ANGPTL1: variants seen among roughly 807,000 people sequenced by gnomAD.
The protein encoded by ANGPTL1 is angiopoietin like 1, also known as angiopoietin-related protein 1.
ANGPTL1 carries 36 observed loss-of-function variants against 46.7 expected under a neutral mutation model. The observed-to-expected ratio is 0.77, with a 90% CI of 0.59 to 1.02. The LOEUF (loss-of-function observed/expected upper bound fraction) is 1.02, where lower values mean the gene tolerates loss of function less well. Ranked by LOEUF, ANGPTL1 falls within the 50% of genes least tolerant of loss-of-function variation. ANGPTL1 has a pLI of 0.00. For synonymous variants in ANGPTL1, 221 were observed against 204.3 expected (o/e 1.08, Z -0.69); for missense variants, 571 against 594.7 (o/e 0.96, Z 0.41).
chr1:178,867,515 A>T (rs1454967045), intron 2 of ANGPTL1, among the ~76,000 whole-genome samples: 1 of 152,084 alleles, frequency 6.6e-6, no homozygotes, highest in Non-Finnish European at 1.5e-5. Context: ...CTCAAATGGG[A>T]TTCAAACCTT....
chr1:178,860,307 G>GAGA (rs1250992339), intron 3 of ANGPTL1, among the ~76,000 whole-genome samples: 2 of 152,084 alleles, frequency 1.3e-5, no homozygotes. Flanking sequence ...TTTTAAGGTA[G>GAGA]AGAAGAAGGT....
In ANGPTL1 at chr1:178,853,594, C is replaced by G. The variant is rs1657327460; in HGVS notation, c.1017G>C (p.Lys339Asn). The G allele has an allele frequency of 1.9e-6, 3 of 1,592,742 alleles. No individual in the cohort carries two copies. Among genetic ancestry groups the G allele is most frequent in the East Asian group, 2.3e-5 (1 of 44,096 alleles). ...CCTTAGGTCTGCATCACTGATTTAC[C>G]TTATAATTTTCCCAATTTCTGAAGA... is the stretch of plus-strand genomic sequence containing the variant. The part of the protein sequence containing the change: ...VNFFRNWENY[K>N]KGFGNIDGEY... Residue 339 changes from lysine to asparagine, a missense_variant and splice_region_variant, in exon 4 of 6, where the codon AAG becomes AAC. By Grantham distance (94) the Lys-to-Asn change is moderately conservative. Coordinates refer to ENST00000234816, the MANE Select transcript of ANGPTL1 (RefSeq NM_004673.4).
Position 178,854,424 on chromosome 1 carries a change from T to C in ANGPTL1, c.824-637A>G, listed in dbSNP as rs544980455. Among the ~76,000 whole-genome samples the C allele has an allele frequency of 2.6e-5, 4 of 152,294 alleles. No individual in the cohort carries two copies. The South Asian group carries it at 6.2e-4, about 24-fold the overall frequency. ...ATGTTTCCCTTTTGGAAATTCTCAA[T>C]GTACATTCACATATTAAAGACTGAA... On this transcript the variant is annotated intron_variant, in intron 3 of 5. Transcript: ENST00000234816.
At chr1:178,866,283 T>C (rs1226627585) in intron 2 of ANGPTL1, among the ~76,000 whole-genome samples, 1 of 152,226 alleles carries the variant, frequency 6.6e-6, no homozygotes, top group Non-Finnish European at 1.5e-5. Flanking sequence ...TTTAGATTCA[T>C]ACCATGCAAT....
At chr1:178,864,668 G>A (rs1658260097) in intron 3 of ANGPTL1, among the ~76,000 whole-genome samples, 1 of 152,152 alleles carries the variant, frequency 6.6e-6, no homozygotes, top group South Asian at 2.1e-4. Flanking sequence ...AGTGGAGCAT[G>A]TACTTATTCC....
In ANGPTL1 at chr1:178,851,088, G is replaced by T. The variant is rs1657142602; in HGVS notation, c.*41C>A. ...CATTTACATTTTTAAGAGCTGAAAA[G>T]TACAAAGTTCTGTGTCATTTAAATT... is the stretch of plus-strand genomic sequence containing the variant. On this transcript the variant is annotated 3_prime_UTR_variant, in exon 6 of 6. Coordinates refer to ENST00000234816, the MANE Select transcript of ANGPTL1 (RefSeq NM_004673.4). 1 of 1,548,742 alleles carries T rather than the reference G, an allele frequency of 6.5e-7. No individual in the cohort carries two copies. Among genetic ancestry groups the T allele is most frequent in the Non-Finnish European group, 8.7e-7 (1 of 1,145,138 alleles).
chr1:178,853,564 A>C, intron 4 of ANGPTL1, 30 bp downstream of exon 4: 2 of 1,487,708 alleles, frequency 1.3e-6, no homozygotes, highest in Non-Finnish European at 9.0e-7. Flanking sequence ...GATTTGTTTT[A>C]CTTCCCTTAG....
intron 3 of ANGPTL1, among the ~76,000 whole-genome samples, chr1:178,860,099 T>G (rs1657894581): frequency 6.6e-6 from 1 of 152,136 alleles, no homozygotes; most frequent in South Asian, 2.1e-4. Context: ...TCTATGCTTT[T>G]ACACATGGTG....
chr1:178,865,455 C>T lies in ANGPTL1; in HGVS notation c.322G>A (p.Val108Ile), dbSNP rs535168464. ...EIDVLQLVVD[V>I]DGNIVNEVKL... is the part of the protein sequence containing the mutation. ...ACCTCATTCACAATGTTTCCATCTA[C>T]ATCCACCACCAGTTGCAGAACATCT... is the stretch of plus-strand genomic sequence containing the variant. Residue 108 changes from valine to isoleucine, a missense_variant, in exon 3 of 6, where the codon GTA becomes ATA. Coordinates refer to ENST00000234816, the MANE Select transcript of ANGPTL1 (RefSeq NM_004673.4). 3 of 1,614,014 alleles carry T rather than the reference C, an allele frequency of 1.9e-6. No individual in the cohort carries two copies. Among genetic ancestry groups the T allele is most frequent in the African/African-American group, 2.7e-5 (2 of 75,048 alleles).
chr1:178,865,379 A>G lies in ANGPTL1; in HGVS notation c.398T>C (p.Leu133Pro). The change falls in exon 3 of 6, where the codon CTC (leucine) becomes CCC (proline). Residue 133 changes from leucine (L) to proline (P), a missense_variant. Coordinates refer to ENST00000234816, the MANE Select transcript of ANGPTL1 (RefSeq NM_004673.4). ...AATCTCATGTAATAATTGCATATAG[A>G]GTTGAGTAACACGAGAGTTCATGTT... ...SRNMNSRVTQ[L>P]YMQLLHEIIR... The G allele has an allele frequency of 6.2e-7, 1 of 1,614,082 alleles. No individual in the cohort carries two copies. The highest frequency in any genetic ancestry group is 1.1e-5 in the South Asian group (1 of 91,072).
intron 3 of ANGPTL1, among the ~76,000 whole-genome samples, chr1:178,864,275 T>C (rs557100631): frequency 3.6e-4 from 55 of 152,198 alleles, no homozygotes; most frequent in African/African-American, 1.3e-3. Context: ...ATCAATGCAA[T>C]AGTTTTTTTT....
intron 3 of ANGPTL1, among the ~76,000 whole-genome samples, chr1:178,859,854 C>G (rs1487489221): frequency 8.4e-6 from 1 of 119,480 alleles, no homozygotes; most frequent in Non-Finnish European, 1.7e-5. Flanking sequence ...GTAGCTGGGA[C>G]TACAGGCGCC....
intron 3 of ANGPTL1, among the ~76,000 whole-genome samples, chr1:178,864,303 A>G (rs75729230): frequency 1.3e-5 from 2 of 152,108 alleles, no homozygotes; most frequent in Admixed American, 1.3e-4. Flanking sequence ...ATGAACATTT[A>G]TATTTCTTAG....
chr1:178,859,281 T>G (rs1181984627), intron 3 of ANGPTL1, among the ~76,000 whole-genome samples: 2 of 152,100 alleles, frequency 1.3e-5, no homozygotes, highest in Admixed American at 6.5e-5. Context: ...CAATTATACC[T>G]AAAAAGTATA....
chr1:178,852,674 C>A lies in ANGPTL1; in HGVS notation c.1288+9G>T, dbSNP rs757495599. The A allele has an allele frequency of 7.5e-6, 12 of 1,600,234 alleles. 1 individual carries two copies. The South Asian group carries it at 1.3e-4, about 18-fold the overall frequency. ...GATTCTACAAAGAATGAAAGTTTTTCATACTTACCTGCATACATATCTTTA... is the reference window on the plus strand; with the variant it reads ...GATTCTACAAAGAATGAAAGTTTTTAATACTTACCTGCATACATATCTTTA... On this transcript the variant is annotated intron_variant, in intron 5 of 5. Coordinates refer to ENST00000234816, the MANE Select transcript of ANGPTL1 (RefSeq NM_004673.4).
intron 2 of ANGPTL1, among the ~76,000 whole-genome samples, chr1:178,866,381 A>T (rs1247676125): frequency 1.3e-5 from 2 of 152,204 alleles, no homozygotes; most frequent in African/African-American, 4.8e-5. Flanking sequence ...ATCTAAACCC[A>T]GATAGTTTTA....
chr1:178,859,861 C>T (rs1266089567), intron 3 of ANGPTL1, among the ~76,000 whole-genome samples: 3 of 132,218 alleles, frequency 2.3e-5, no homozygotes, highest in East Asian at 2.5e-4. Context: ...GGACTACAGG[C>T]GCCCGCCACC....
At chr1:178,861,029 A>C (rs1254045294) in intron 3 of ANGPTL1, among the ~76,000 whole-genome samples, 1 of 152,210 alleles carries the variant, frequency 6.6e-6, no homozygotes, top group African/African-American at 2.4e-5. Context: ...TTAGAATTTG[A>C]AAAGGATATT....
chr1:178,860,911 CAGAT>C (rs1296832664), intron 3 of ANGPTL1, among the ~76,000 whole-genome samples: 16 of 152,070 alleles, frequency 1.1e-4, no homozygotes, highest in African/African-American at 3.9e-4. Flanking sequence ...TTTTTCCAGA[CAGAT>C]GTAAAAATAA....
Sources: allele counts gnomAD v4.1 joint callset (sites outside exome capture counted in the v4.1 genomes callset), GRCh38; gene constraint gnomAD v4.1.1; transcripts MANE v1.5; gene names NCBI Gene and HGNC (gene_info 2026-07-23, HGNC 2026-07-21).